EIF2AK2: variants seen among roughly 807,000 people sequenced by gnomAD.
The protein encoded by EIF2AK2 is eukaryotic translation initiation factor 2 alpha kinase 2.
A neutral mutation model predicts 70.5 loss-of-function variants in EIF2AK2; 40 were observed. The ratio of observed to expected loss-of-function variants is 0.57; its 90% CI spans 0.44 to 0.74. The LOEUF is 0.74. Ranked by LOEUF, EIF2AK2 falls within the 30% of genes least tolerant of loss-of-function variation. The pLI, the probability that EIF2AK2 is intolerant of heterozygous loss-of-function variation, is 0.00. For missense variants in EIF2AK2, 555 were observed against 644.3 expected (o/e 0.86, Z 1.50); for synonymous variants, 198 against 220.9 (o/e 0.90, Z 0.92).
At chr2:37,107,577 G>A (rs565001404) in intron 15 of EIF2AK2, 50 bp from the exon 16 acceptor site, 1 of 1,563,514 alleles carries the variant, frequency 6.4e-7, no homozygotes, top group Non-Finnish European at 8.7e-7. Flanking sequence ...TACTTGGGAG[G>A]AAAGACAGAA....
At chr2:37,124,086 G>A (rs2148681415) in intron 11 of EIF2AK2, among the ~76,000 whole-genome samples, 1 of 151,554 alleles carries the variant, frequency 6.6e-6, no homozygotes, top group Non-Finnish European at 1.5e-5. Flanking sequence ...TCCTACCTCA[G>A]CCTCCCTAGT....
chr2:37,151,982 C>A (rs1329763226), intron 1 of EIF2AK2, among the ~76,000 whole-genome samples: 1 of 152,226 alleles, frequency 6.6e-6, no homozygotes, highest in African/African-American at 2.4e-5. Context: ...AGGAGAATGG[C>A]GTGAACCCGG....
At chr2:37,153,835 G>A (rs1037495624) in intron 1 of EIF2AK2, among the ~76,000 whole-genome samples, 2 of 152,030 alleles carry the variant, frequency 1.3e-5, no homozygotes, top group African/African-American at 4.8e-5. Flanking sequence ...GAATATTTGT[G>A]GTATATAAGT....
chr2:37,111,042 G>C (rs980740627), intron 14 of EIF2AK2, among the ~76,000 whole-genome samples: 2 of 152,196 alleles, frequency 1.3e-5, no homozygotes, highest in African/African-American at 4.8e-5. Flanking sequence ...AGTAAAATAA[G>C]CCAGTAACAA....
At chr2:37,152,726 T>A (rs12620426) in intron 1 of EIF2AK2, among the ~76,000 whole-genome samples, 52,329 of 152,126 alleles carry the variant, frequency 0.34, 10,412 homozygotes, top group East Asian at 0.77. Flanking sequence ...CGCCATTACC[T>A]CTAAAGTTTA....
rs776286544 is a variant in EIF2AK2 at position 37,141,607 on chromosome 2, T to C, written c.335A>G (p.Lys112Arg). The change falls in exon 5 of 17, where the codon AAA becomes AGA. Residue 112 changes from lysine (K) to arginine (R), a missense_variant. By Grantham distance (26) the Lys-to-Arg change is conservative. Around this residue, in one of 3 missense-constraint regions of EIF2AK2, gnomAD observed 208 missense variants for 191.8 expected, o/e 1.08. Coordinates refer to ENST00000233057, the MANE Select transcript of EIF2AK2 (RefSeq NM_001135651.3). ...IGLINRIAQK[K>R]RLTVNYEQCA... Reference sequence around the variant, plus strand: ...CTGTTCATAATTTACAGTTAGTCTTTTCTTCTGGGCAATTCTATTGATAAG... The same window carrying C: ...CTGTTCATAATTTACAGTTAGTCTTCTCTTCTGGGCAATTCTATTGATAAG... 1.9e-6 allele frequency: 3 copies of C among 1,614,034 alleles called. No homozygotes were observed. The African/African-American group carries it at 4.0e-5, about 22-fold the overall frequency.
chr2:37,143,618 T>C (rs970711555), intron 4 of EIF2AK2, among the ~76,000 whole-genome samples: 3 of 152,160 alleles, frequency 2.0e-5, no homozygotes, highest in African/African-American at 7.2e-5. Flanking sequence ...GTGTGGTGGC[T>C]CATGCCTGCA....
Position 37,102,838 on chromosome 2 carries a change from A to G in EIF2AK2, c.*4435T>C, listed in dbSNP as rs1392704914. On this transcript the variant is annotated 3_prime_UTR_variant, in exon 17 of 17. Transcript: ENST00000233057. ...ATGCATATATTGTGTACATATGTAT[A>G]TACATTGAATATATTTAACATAAGT... 6.6e-6 allele frequency: 1 copy of G among 152,220 alleles called. No homozygotes were observed. The highest frequency in any genetic ancestry group is 1.5e-5 in the Non-Finnish European group (1 of 68,040). The allele number at this position is 152,220 out of a possible 1,614,324, so 9.4% of individuals were successfully genotyped here.
chr2:37,102,376 T>G lies in EIF2AK2; in HGVS notation c.*4897A>C, dbSNP rs1194260103. 1 of 152,220 alleles carries G rather than the reference T, an allele frequency of 6.6e-6. No homozygotes were observed. Among genetic ancestry groups the G allele is most frequent in the Non-Finnish European group, 1.5e-5 (1 of 68,044 alleles). 9.4% of individuals were successfully genotyped at this position (152,220 alleles called of 1,614,324 possible). The stretch of plus-strand genomic sequence containing the variant: ...GTAGAGTTTCATTATTCTATTTTTG[T>G]GTATGTTTGAACATAAAGAAATGTA... On this transcript the variant is annotated 3_prime_UTR_variant, in exon 17 of 17. Coordinates refer to ENST00000233057, the MANE Select transcript of EIF2AK2 (RefSeq NM_001135651.3).
chr2:37,138,025 G>A (rs1310163083), intron 8 of EIF2AK2, among the ~76,000 whole-genome samples: 1 of 150,188 alleles, frequency 6.7e-6, no homozygotes. Context: ...CAGGAGAATC[G>A]CTTGAACCAG....
rs1434186774 is a variant in EIF2AK2 at position 37,103,346 on chromosome 2, C to G, written c.*3927G>C. 2 of 152,188 alleles carry G rather than the reference C, an allele frequency of 1.3e-5. No individual in the cohort carries two copies. Among genetic ancestry groups the G allele is most frequent in the Admixed American group, 1.3e-4 (2 of 15,270 alleles). 9.4% of individuals were successfully genotyped at this position (152,188 alleles called of 1,614,324 possible). On this transcript the variant is annotated 3_prime_UTR_variant, in exon 17 of 17. Transcript: ENST00000233057. ...GAGTAGCTGGGATTACAGGCGCCTA[C>G]CACCACACCCAGCTAATTTTTGTAT...
At chr2:37,115,471 G>A (rs866868903) in intron 13 of EIF2AK2, among the ~76,000 whole-genome samples, 1 of 151,986 alleles carries the variant, frequency 6.6e-6, no homozygotes, top group Non-Finnish European at 1.5e-5. Flanking sequence ...TGGTCCAAGG[G>A]AAAAGATCCA....
Position 37,117,756 on chromosome 2 carries a change from G to T in EIF2AK2, c.1248+2203C>A, listed in dbSNP as rs145468751. ...CCTTGCACAAGAAGCCCTCACTCCA[G>T]AAACCCCTATGTCCCTTCCCAGCGC... On this transcript the variant is annotated intron_variant, in intron 13 of 16. Coordinates refer to ENST00000233057, the MANE Select transcript of EIF2AK2 (RefSeq NM_001135651.3). Among the ~76,000 whole-genome samples the T allele has an allele frequency of 8.7e-4, 133 of 152,208 alleles. 2 individuals carry two copies. In the East Asian group the frequency reaches 0.022, roughly 25 times the overall value.
intron 1 of EIF2AK2, among the ~76,000 whole-genome samples, chr2:37,153,327 C>T (rs1479797561): frequency 7.8e-6 from 1 of 129,008 alleles, no homozygotes; most frequent in Non-Finnish European, 1.7e-5. Flanking sequence ...TCCTTTCAGT[C>T]TCTGCTAATC....
At chr2:37,131,539 C>T (rs1398799792) in intron 10 of EIF2AK2, among the ~76,000 whole-genome samples, 1 of 152,162 alleles carries the variant, frequency 6.6e-6, no homozygotes, top group Non-Finnish European at 1.5e-5. Flanking sequence ...CTACATTCAA[C>T]CCTCCATCTC....
At chr2:37,115,854 T>C (rs1019276624) in intron 13 of EIF2AK2, among the ~76,000 whole-genome samples, 4 of 152,050 alleles carry the variant, frequency 2.6e-5, no homozygotes, top group Non-Finnish European at 5.9e-5. Context: ...TTTTTATCCA[T>C]GCAATTCTTT....
chr2:37,147,321 T>G (rs917018518), intron 3 of EIF2AK2, among the ~76,000 whole-genome samples: 2 of 152,040 alleles, frequency 1.3e-5, no homozygotes, highest in East Asian at 1.9e-4. Flanking sequence ...TTTTTTAATT[T>G]TATTATTATT....
At chr2:37,125,193 G>T (rs1424353165) in intron 11 of EIF2AK2, among the ~76,000 whole-genome samples, 1 of 152,044 alleles carries the variant, frequency 6.6e-6, no homozygotes, top group East Asian at 1.9e-4. Context: ...TGTATTTTCA[G>T]TAGAGAGGGG....
At chr2:37,117,221 AAAAAAAG>A (rs1183281284) in intron 13 of EIF2AK2, among the ~76,000 whole-genome samples, 7 of 144,244 alleles carry the variant, frequency 4.9e-5, no homozygotes, top group African/African-American at 1.3e-4. Flanking sequence ...CAAAAAAAAA[AAAAAAAG>A]AAAAAAGAAA....
Sources: allele counts gnomAD v4.1 joint callset (sites outside exome capture counted in the v4.1 genomes callset), GRCh38; gene constraint gnomAD v4.1.1; regional missense constraint gnomAD v4.1.1; transcripts MANE v1.5; gene names NCBI Gene and HGNC (gene_info 2026-07-23, HGNC 2026-07-21).